Variants in MTHFD2 observed in about 807,000 individuals in gnomAD.
The protein encoded by MTHFD2 is methylenetetrahydrofolate dehydrogenase (NADP+ dependent) 2, methenyltetrahydrofolate cyclohydrolase, also known as bifunctional methylenetetrahydrofolate dehydrogenase/cyclohydrolase, mitochondrial.
A neutral mutation model predicts 36.8 loss-of-function variants in MTHFD2; 26 were observed. That is an observed-to-expected ratio of 0.71 (90% CI 0.52 to 0.98). MTHFD2 has a LOEUF of 0.98. Ranked by LOEUF, MTHFD2 falls within the 50% of genes least tolerant of loss-of-function variation. The pLI is 0.00. For synonymous variants in MTHFD2, 164 were observed against 155.2 expected (o/e 1.06, Z -0.42); for missense variants, 373 against 434.0 (o/e 0.86, Z 1.25).
chr2:74,207,894 CT>C, intron 3 of MTHFD2, 68 bp downstream of exon 3: 1 of 1,459,008 alleles, frequency 6.9e-7, no homozygotes. Flanking sequence ...CTCCCTCTCT[CT>C]CTCCCTCCCC....
intron 4 of MTHFD2, among the ~76,000 whole-genome samples, 198 bp downstream of exon 4, chr2:74,208,919 G>A (rs1694244150): frequency 6.6e-6 from 1 of 151,968 alleles, no homozygotes; most frequent in Admixed American, 6.6e-5. Flanking sequence ...TGTCACCCAG[G>A]CTGGAGTGCA....
At chr2:74,207,617 CGTATGGTAGCCAA>C (rs1332084575) in intron 2 of MTHFD2, 74 bp from the exon 3 acceptor site, 3 of 1,303,052 alleles carry the variant, frequency 2.3e-6, no homozygotes, top group Non-Finnish European at 3.2e-6. Context: ...ATACAAAACC[CGTATGGTAGCCAA>C]GTATGGTAGG....
chr2:74,204,593 A>G (rs756337461), intron 1 of MTHFD2, among the ~76,000 whole-genome samples: 2 of 152,128 alleles, frequency 1.3e-5, no homozygotes, highest in Non-Finnish European at 2.9e-5. Flanking sequence ...TTTTGCGCCA[A>G]CTGGACCACT....
In MTHFD2 at chr2:74,211,285, G is replaced by T; in HGVS notation, c.757G>T (p.Ala253Ser). 6.3e-7 allele frequency: 1 copy of T among 1,594,790 alleles called. No individual in the cohort carries two copies. The highest frequency in any genetic ancestry group is 8.6e-7 in the Non-Finnish European group (1 of 1,164,144). The change falls in exon 6 of 8, where the codon GCT becomes TCT. Residue 253 changes from alanine to serine, a missense_variant. Around this residue, in one of 2 missense-constraint regions of MTHFD2, gnomAD observed 308 missense variants for 397.8 expected, o/e 0.77. Transcript: ENST00000394053. ...AATTCTTGCAGATATTGTAATATCT[G>T]CTGCAGGTAAGAACACAAGGGGGAT... ...HTILADIVIS[A>S]AGIPNLITAD...
chr2:74,198,686 G>A lies in MTHFD2; in HGVS notation c.45G>A (p.Leu15=). 1 of 1,611,288 alleles carries A rather than the reference G, an allele frequency of 6.2e-7. No homozygotes were observed. The highest frequency in any genetic ancestry group is 8.5e-7 in the Non-Finnish European group (1 of 1,179,060). Residue 15 remains leucine (L), a synonymous_variant, in exon 1 of 8, where the codon CTG becomes CTA. Coordinates refer to ENST00000394053, the MANE Select transcript of MTHFD2 (RefSeq NM_006636.4). Reference sequence around the variant, plus strand: ...TGTCTGCTTTGGCTGCCCGGCTGCTGCAGCCCGCGCACAGCTGCTCCCTTC... The same window carrying A: ...TGTCTGCTTTGGCTGCCCGGCTGCTACAGCCCGCGCACAGCTGCTCCCTTC... ...SLMSALAARL[L]QPAHSCSLRL... is the part of the protein sequence containing the mutation.
chr2:74,203,902 TTTAG>T (rs765264286), intron 1 of MTHFD2, among the ~76,000 whole-genome samples: 4,523 of 29,968 alleles, frequency 0.15, 176 homozygotes, highest in African/African-American at 0.31. Context: ...TTTAGTTTAG[TTTAG>T]TTAGTTTAGT....
chr2:74,209,930 A>G lies in MTHFD2; in HGVS notation c.563-12A>G. ...GGCACTACTTTTAATGTCAATACAT[A>G]TATTTTTATAGGCATTCCAACCCTA... On this transcript the variant is annotated splice_polypyrimidine_tract_variant and intron_variant, in intron 4 of 7. Coordinates refer to ENST00000394053, the MANE Select transcript of MTHFD2 (RefSeq NM_006636.4). 3 of 1,606,350 alleles carry G rather than the reference A, an allele frequency of 1.9e-6. No homozygotes were observed. The highest frequency in any genetic ancestry group is 1.7e-6 in the Non-Finnish European group (2 of 1,176,306).
At chr2:74,212,147 C>A (rs1481327759) in intron 7 of MTHFD2, among the ~76,000 whole-genome samples, 1 of 143,840 alleles carries the variant, frequency 7.0e-6, no homozygotes, top group African/African-American at 2.6e-5. Context: ...GCTTTTCCCT[C>A]CCTCTCTCCT....
At chr2:74,205,608 T>TG (rs1694157331) in intron 1 of MTHFD2, 97 bp from the exon 2 acceptor site, 2 of 1,381,482 alleles carry the variant, frequency 1.4e-6, no homozygotes, top group Non-Finnish European at 2.0e-6. Flanking sequence ...CCTCCCGAAG[T>TG]GCTGGGATTA....
chr2:74,211,704 T>C (rs974477986), intron 6 of MTHFD2, 37 bp from the exon 7 acceptor site: 3 of 1,562,778 alleles, frequency 1.9e-6, no homozygotes, highest in Non-Finnish European at 2.6e-6. Context: ...TAGACTGTTT[T>C]CAGTACTAAG....
rs1157463253 is a variant in MTHFD2 at position 74,217,141 on chromosome 2, G to A, written c.*2899G>A. 6.6e-6 allele frequency: 1 copy of A among 152,146 alleles called. No individual in the cohort carries two copies. The highest frequency in any genetic ancestry group is 1.5e-5 in the Non-Finnish European group (1 of 68,026). The allele number at this position is 152,146 out of a possible 1,614,324, so 9.4% of individuals were successfully genotyped here. On this transcript the variant is annotated 3_prime_UTR_variant, in exon 8 of 8. Transcript: ENST00000394053. The stretch of plus-strand genomic sequence containing the variant: ...ATACTCAAGGTGTTAATGATCTAGT[G>A]TCATTTTTCTTTAAAAAAGAAAGCA...
intron 7 of MTHFD2, among the ~76,000 whole-genome samples, chr2:74,213,700 C>T (rs1047506574): frequency 1.3e-5 from 2 of 151,768 alleles, no homozygotes; most frequent in Non-Finnish European, 2.9e-5. Context: ...TTTTTAACTT[C>T]TCACTTTTAA....
intron 1 of MTHFD2, among the ~76,000 whole-genome samples, chr2:74,202,269 T>A (rs116818842): frequency 6.6e-6 from 1 of 152,112 alleles, no homozygotes; most frequent in Non-Finnish European, 1.5e-5. Flanking sequence ...CATATATATA[T>A]AAAACCAAGA....
chr2:74,203,460 T>A (rs1694087825), intron 1 of MTHFD2, among the ~76,000 whole-genome samples: 1 of 152,158 alleles, frequency 6.6e-6, no homozygotes, highest in Non-Finnish European at 1.5e-5. Flanking sequence ...GGCCTAAAGA[T>A]TGTGAAAGCT....
chr2:74,214,297 C>G lies in MTHFD2; in HGVS notation c.*55C>G, dbSNP rs545179486. 21 of 1,558,184 alleles carry G rather than the reference C, an allele frequency of 1.3e-5. No homozygotes were observed. In the South Asian group the frequency reaches 2.5e-4, roughly 18 times the overall value. ...CTCCAGGCCAGCTCAAGAAGCAAAG[C>G]AGGCCAATAGAAATGCAATATTTTT... On this transcript the variant is annotated 3_prime_UTR_variant, in exon 8 of 8. Coordinates refer to ENST00000394053, the MANE Select transcript of MTHFD2 (RefSeq NM_006636.4).
At chr2:74,211,065 G>A (rs1051263588) in intron 5 of MTHFD2, 134 bp from the exon 6 acceptor site, 10 of 584,212 alleles carry the variant, frequency 1.7e-5, no homozygotes, top group African/African-American at 7.6e-5. Flanking sequence ...GATTACAGGC[G>A]TGAGCCACTG....
At position 74,217,511 on chromosome 2, in the gene MTHFD2, A is replaced by G. The variant is rs1694483444; in HGVS notation, c.*3269A>G. ...CCTCTGTCTAACCTGTATTGTTCAC[A>G]TGAATGGGAGTTTGACTTTGGGAAT... On this transcript the variant is annotated 3_prime_UTR_variant, in exon 8 of 8. Coordinates refer to ENST00000394053, the MANE Select transcript of MTHFD2 (RefSeq NM_006636.4). The G allele has an allele frequency of 6.6e-6, 1 of 152,202 alleles. No homozygotes were observed. Among genetic ancestry groups the G allele is most frequent in the Admixed American group, 6.5e-5 (1 of 15,278 alleles). The allele number at this position is 152,202 out of a possible 1,614,324, so 9.4% of individuals were successfully genotyped here. A position where few individuals can be genotyped will look rare whatever the true frequency, so the allele number is the denominator to read the frequency against.
chr2:74,206,089 G>A, intron 2 of MTHFD2, 200 bp downstream of exon 2: 1 of 474,842 alleles, frequency 2.1e-6, no homozygotes, highest in South Asian at 3.8e-5. Flanking sequence ...GGAGATACTG[G>A]TTGGTATTCT....
intron 1 of MTHFD2, among the ~76,000 whole-genome samples, chr2:74,201,971 T>G (rs1414689588): frequency 1.3e-5 from 2 of 151,698 alleles, no homozygotes; most frequent in Non-Finnish European, 2.9e-5. Flanking sequence ...TTTTTTTTTT[T>G]AAGCAAATTG....
Sources: gnomAD v4.1 joint callset for allele counts (sites outside exome capture counted in the v4.1 genomes callset) on GRCh38, gnomAD v4.1.1 for gene constraint, gnomAD v4.1.1 regional missense constraint, MANE v1.5 for transcripts, NCBI Gene and HGNC (gene_info 2026-07-23, HGNC 2026-07-21) for gene names.